The following NTNG1 variants were observed in gnomAD, a reference collection of about 807,000 sequenced individuals.
NTNG1 encodes the protein netrin-G1.
In NTNG1, 16 loss-of-function variants were observed where a neutral mutation model predicts 54.0. The ratio of observed to expected loss-of-function variants is 0.30; its 90% confidence interval spans 0.20 to 0.45. The LOEUF is 0.45. Ranked by LOEUF, NTNG1 falls within the 20% of genes least tolerant of loss-of-function variation. The pLI is 1.00. For missense variants in NTNG1, 530 were observed against 678.7 expected, an observed-to-expected ratio of 0.78 and a Z score of 2.43; for synonymous variants, 255 against 263.1, an observed-to-expected ratio of 0.97 and a Z score of 0.30.
chr1:107,409,038 G>A (rs945384207), intron 5 of NTNG1: 1 of 152,152 alleles, frequency 6.6e-6, no homozygotes, highest in African/African-American at 2.4e-5. Context: ...AATAGAAGTA[G>A]TGTTCACATC....
At chr1:107,317,104 G>GA (rs923265111) in intron 2 of NTNG1, among the ~76,000 whole-genome samples, 5 of 152,052 alleles carry the variant, frequency 3.3e-5, no homozygotes, top group Non-Finnish European at 5.9e-5. Flanking sequence ...ATGCGGAGAA[G>GA]AAAAAAACTT....
At chr1:107,411,651 G>T (rs1673819538) in intron 5 of NTNG1, among the ~76,000 whole-genome samples, 1 of 151,774 alleles carries the variant, frequency 6.6e-6, no homozygotes. Flanking sequence ...CATTTGAATT[G>T]CCCTTTAACT....
At chr1:107,375,635 T>C (rs1040506117) in intron 3 of NTNG1, among the ~76,000 whole-genome samples, 1 of 152,232 alleles carries the variant, frequency 6.6e-6, no homozygotes, top group Non-Finnish European at 1.5e-5. Flanking sequence ...GTCAAGAATG[T>C]TGACTTATCT....
At chr1:107,163,717 C>T (rs778241058) in intron 2 of NTNG1, among the ~76,000 whole-genome samples, 64 of 152,058 alleles carry the variant, frequency 4.2e-4, no homozygotes, top group Admixed American at 3.8e-3. Flanking sequence ...TATATTGGCT[C>T]GGTGTTTTAA....
chr1:107,215,705 A>T (rs112898195), intron 2 of NTNG1, among the ~76,000 whole-genome samples: 2,220 of 152,198 alleles, frequency 0.015, 51 homozygotes, highest in African/African-American at 0.046. Context: ...GAGAATTGCA[A>T]GGAATTTTAG....
At chr1:107,233,067 A>T (rs1278605730) in intron 2 of NTNG1, among the ~76,000 whole-genome samples, 1 of 152,086 alleles carries the variant, frequency 6.6e-6, no homozygotes, top group Non-Finnish European at 1.5e-5. Flanking sequence ...CTTTTGTTTC[A>T]AGGTTGTCTC....
At chr1:107,432,514 T>C (rs542886514) in intron 6 of NTNG1, among the ~76,000 whole-genome samples, 2 of 152,328 alleles carry the variant, frequency 1.3e-5, no homozygotes, top group East Asian at 3.9e-4. Flanking sequence ...AGAAGTTCAA[T>C]TGTCTTCATA....
chr1:107,161,189 A>G (rs938388303), intron 2 of NTNG1, among the ~76,000 whole-genome samples: 1 of 152,140 alleles, frequency 6.6e-6, no homozygotes, highest in African/African-American at 2.4e-5. Context: ...TTAAACAGAG[A>G]TATATTTGTT....
At chr1:107,240,151 T>G (rs903664226) in intron 2 of NTNG1, among the ~76,000 whole-genome samples, 4 of 152,152 alleles carry the variant, frequency 2.6e-5, no homozygotes, top group African/African-American at 9.7e-5. Context: ...ACTACAAAAT[T>G]GCTTTTTTTT....
At chr1:107,365,374 A>G (rs1428926683) in intron 3 of NTNG1, among the ~76,000 whole-genome samples, 1 of 152,214 alleles carries the variant, frequency 6.6e-6, no homozygotes, top group Non-Finnish European at 1.5e-5. Context: ...CAATGTGGTG[A>G]ATGATTTACT....
Position 107,279,733 on chromosome 1 carries a change from G to C in NTNG1, c.247-44549G>C, listed in dbSNP as rs571428512. ...TGACTTGGCTTGGAATATAATTCTG[G>C]GTAGAAAACAGTATTTCCTTGGCAT... On this transcript the variant is annotated intron_variant, in intron 2 of 7. Transcript: ENST00000370068. Among the ~76,000 whole-genome samples, 208 of 152,130 alleles carry C rather than the reference G, an allele frequency of 1.4e-3. 1 individual carries two copies. Among genetic ancestry groups the C allele is most frequent in the Middle Eastern group, 0.014 (4 of 294 alleles).
intron 2 of NTNG1, among the ~76,000 whole-genome samples, chr1:107,291,640 A>G (rs1318816981): frequency 6.6e-6 from 1 of 152,194 alleles, no homozygotes; most frequent in Non-Finnish European, 1.5e-5. Flanking sequence ...AAATGTAGAA[A>G]TTTTATATTA....
At chr1:107,261,639 C>T (rs1015807109) in intron 2 of NTNG1, among the ~76,000 whole-genome samples, 9 of 152,242 alleles carry the variant, frequency 5.9e-5, no homozygotes, top group East Asian at 3.9e-4. Flanking sequence ...GCCAGGAGAT[C>T]GAGACCATCC....
chr1:107,457,623 T>C (rs1023668665), intron 7 of NTNG1, among the ~76,000 whole-genome samples: 5 of 152,166 alleles, frequency 3.3e-5, no homozygotes, highest in African/African-American at 9.6e-5. Context: ...GAAAATCTTA[T>C]GCATTTTTTA....
At chr1:107,257,766 T>C (rs1038451023) in intron 2 of NTNG1, among the ~76,000 whole-genome samples, 8 of 152,222 alleles carry the variant, frequency 5.3e-5, no homozygotes, top group African/African-American at 1.7e-4. Context: ...GCAAATGTCC[T>C]GCAGAGGCAT....
chr1:107,275,104 T>C (rs1043016017), intron 2 of NTNG1, among the ~76,000 whole-genome samples: 2 of 152,138 alleles, frequency 1.3e-5, no homozygotes, highest in Non-Finnish European at 2.9e-5. Context: ...TGGCCGGGCA[T>C]GGTGGCTCAC....
chr1:107,273,720 C>T (rs1052566895), intron 2 of NTNG1, among the ~76,000 whole-genome samples: 28 of 152,118 alleles, frequency 1.8e-4, no homozygotes, highest in African/African-American at 5.8e-4. Context: ...TTTTTATATA[C>T]GTCATCTCAC....
chr1:107,436,612 C>T, intron 6 of NTNG1, 53 bp from the exon 7 acceptor site: 13 of 1,574,592 alleles, frequency 8.3e-6, no homozygotes, highest in Non-Finnish European at 1.1e-5. Context: ...GTGTTGATAA[C>T]CTGTAAGCCA....
intron 3 of NTNG1, among the ~76,000 whole-genome samples, chr1:107,368,784 G>T (rs1344907444): frequency 1.3e-5 from 2 of 152,194 alleles, no homozygotes; most frequent in Non-Finnish European, 2.9e-5. Context: ...TCCATTCCAG[G>T]CAGTCCAACA....
Sources: gnomAD v4.1 joint callset for allele counts (sites outside exome capture counted in the v4.1 genomes callset) on GRCh38, gnomAD v4.1.1 for gene constraint, MANE v1.5 for transcripts, NCBI Gene and HGNC (gene_info 2026-07-23, HGNC 2026-07-21) for gene names.